Variants in RAPGEF2 observed in about 807,000 individuals in gnomAD.
RAPGEF2 encodes the protein PDZ domain containing guanine nucleotide exchange factor (GEF) 1.
A neutral mutation model predicts 186.7 loss-of-function variants in RAPGEF2; 54 were observed. The ratio of observed to expected loss-of-function variants is 0.29; its 90% CI spans 0.23 to 0.36. RAPGEF2 has a LOEUF of 0.36. Among genes scored for constraint, RAPGEF2 ranks in the 10% least tolerant of loss-of-function variants. The pLI is 1.00. For missense variants in RAPGEF2, 1,532 were observed against 2,045.0 expected, an observed-to-expected ratio of 0.75 and a Z score of 4.84; for synonymous variants, 712 against 705.9, an observed-to-expected ratio of 1.01 and a Z score of -0.14.
chr4:159,351,455 A>G (rs146211484), intron 26 of RAPGEF2, among the ~76,000 whole-genome samples: 13 of 152,330 alleles, frequency 8.5e-5, no homozygotes, highest in African/African-American at 1.7e-4. Context: ...GGAATTACCA[A>G]TATGCTGAAA....
chr4:159,143,433 A>G (rs182410992), intron 1 of RAPGEF2, among the ~76,000 whole-genome samples: 1 of 152,274 alleles, frequency 6.6e-6, no homozygotes, highest in East Asian at 1.9e-4. Flanking sequence ...GCACATAAAA[A>G]TCTTTATTTG....
intron 7 of RAPGEF2, among the ~76,000 whole-genome samples, chr4:159,297,888 A>G (rs988845282): frequency 2.6e-5 from 4 of 152,238 alleles, no homozygotes; most frequent in African/African-American, 9.6e-5. Flanking sequence ...TAGCCATTTC[A>G]TAGAAGAAAC....
intron 7 of RAPGEF2, among the ~76,000 whole-genome samples, chr4:159,262,220 C>G (rs1406293277): frequency 6.6e-6 from 1 of 152,182 alleles, no homozygotes; most frequent in Non-Finnish European, 1.5e-5. Context: ...TTCCCCTCAT[C>G]TAACTTATAA....
At chr4:159,185,109 G>A (rs184184533) in intron 1 of RAPGEF2, among the ~76,000 whole-genome samples, 2 of 152,270 alleles carry the variant, frequency 1.3e-5, no homozygotes, top group African/African-American at 4.8e-5. Flanking sequence ...TTGGGGAAAT[G>A]CAAGTCAATA....
At chr4:159,131,534 T>TG in intron 1 of RAPGEF2, among the ~76,000 whole-genome samples, 1 of 149,540 alleles carries the variant, frequency 6.7e-6, no homozygotes, top group East Asian at 1.9e-4. Context: ...TTTTTTTTTT[T>TG]TTTTTTTTTT....
At chr4:159,243,018 G>A (rs932471985) in intron 6 of RAPGEF2, among the ~76,000 whole-genome samples, 7 of 151,636 alleles carry the variant, frequency 4.6e-5, no homozygotes, top group African/African-American at 1.5e-4. Flanking sequence ...CACCCCCAGC[G>A]TGATTCCCCC....
chr4:159,346,031 T>C (rs1202257452), intron 24 of RAPGEF2, among the ~76,000 whole-genome samples: 1 of 152,174 alleles, frequency 6.6e-6, no homozygotes, highest in African/African-American at 2.4e-5. Context: ...AAGCACTGTG[T>C]CATGGTGAAG....
At chr4:159,211,394 G>A (rs1750513598) in intron 4 of RAPGEF2, among the ~76,000 whole-genome samples, 1 of 151,980 alleles carries the variant, frequency 6.6e-6, no homozygotes, top group South Asian at 2.1e-4. Context: ...TTTTACTAAA[G>A]GTTTTAAAAT....
intron 10 of RAPGEF2, among the ~76,000 whole-genome samples, chr4:159,323,256 T>C (rs978588128): frequency 6.6e-6 from 1 of 152,200 alleles, no homozygotes; most frequent in African/African-American, 2.4e-5. Context: ...TGATATACAT[T>C]CTGTGCTAGG....
At chr4:159,311,730 G>T (rs558193850) in intron 8 of RAPGEF2, among the ~76,000 whole-genome samples, 3 of 152,118 alleles carry the variant, frequency 2.0e-5, no homozygotes, top group Non-Finnish European at 4.4e-5. Context: ...TCCTCCTGGA[G>T]ACCAGTTTGT....
intron 2 of RAPGEF2, among the ~76,000 whole-genome samples, chr4:159,189,087 A>G (rs1747848635): frequency 6.6e-6 from 1 of 152,240 alleles, no homozygotes. Context: ...CCTTTAGATA[A>G]ATTATTTTCC....
At chr4:159,332,416 C>A in intron 16 of RAPGEF2, 35 bp from the exon 17 acceptor site, 1 of 1,582,416 alleles carries the variant, frequency 6.3e-7, no homozygotes, top group Non-Finnish European at 8.6e-7. Context: ...CTTATAATTG[C>A]CATTACGTGG....
At chr4:159,120,485 C>T (rs1052702977) in intron 1 of RAPGEF2, among the ~76,000 whole-genome samples, 6 of 152,278 alleles carry the variant, frequency 3.9e-5, no homozygotes, top group African/African-American at 1.4e-4. Flanking sequence ...GATACTAAAA[C>T]TTCTAAGAAT....
intron 4 of RAPGEF2, among the ~76,000 whole-genome samples, chr4:159,236,319 A>G (rs970877487): frequency 6.6e-6 from 1 of 152,242 alleles, no homozygotes; most frequent in African/African-American, 2.4e-5. Context: ...CCCCAAAGTA[A>G]TAGTGTGCTA....
intron 2 of RAPGEF2, among the ~76,000 whole-genome samples, chr4:159,188,663 C>CAAA (rs58081505): frequency 1.3e-4 from 11 of 84,844 alleles, no homozygotes; most frequent in African/African-American, 3.5e-4. Context: ...GACTACATCT[C>CAAA]AAAAAAAAAA....
chr4:159,314,807 A>C, intron 9 of RAPGEF2, 39 bp downstream of exon 9: 1 of 1,544,044 alleles, frequency 6.5e-7, no homozygotes, highest in South Asian at 1.2e-5. Context: ...GAGCAATTAA[A>C]AAGATTTAGT....
rs186352054 is a variant in RAPGEF2, at chr4:159,260,410, G to A, written c.543+16619G>A. On this transcript the variant is annotated intron_variant, in intron 7 of 29. Transcript: ENST00000691494. ...CTTATCCCCAAACAGTTTTGTTTCCGTTAATGTAGTGTTTTTTTTCCTATG... is the reference window on the plus strand; with the variant it reads ...CTTATCCCCAAACAGTTTTGTTTCCATTAATGTAGTGTTTTTTTTCCTATG... Among the ~76,000 whole-genome samples, 21 of 151,956 alleles carry A rather than the reference G, an allele frequency of 1.4e-4. No individual in the cohort carries two copies. The East Asian group carries it at 2.9e-3, about 21-fold the overall frequency.
chr4:159,274,127 A>G (rs895553068), intron 7 of RAPGEF2, among the ~76,000 whole-genome samples: 17 of 152,198 alleles, frequency 1.1e-4, no homozygotes, highest in African/African-American at 4.1e-4. Flanking sequence ...AGGTTTGACC[A>G]AACTCTTAAT....
intron 1 of RAPGEF2, among the ~76,000 whole-genome samples, chr4:159,156,306 GTGT>G (rs1184100518): frequency 6.6e-5 from 10 of 152,064 alleles, no homozygotes; most frequent in African/African-American, 2.2e-4. Flanking sequence ...TTACTGCTGC[GTGT>G]TGTTAACTTC....
Sources: allele counts gnomAD v4.1 joint callset (sites outside exome capture counted in the v4.1 genomes callset), GRCh38; gene constraint gnomAD v4.1.1; transcripts MANE v1.5; gene names NCBI Gene and HGNC (gene_info 2026-07-23, HGNC 2026-07-21).